Variants in DPYD observed in about 807,000 individuals in gnomAD.
DPYD encodes the protein dihydropyrimidine dehydrogenase.
Under a neutral mutation model 116.2 loss-of-function variants are expected in DPYD, and 109 were observed. That is an observed-to-expected ratio of 0.94 (90% CI 0.80 to 1.10). DPYD has a LOEUF of 1.10. Among genes scored for constraint, DPYD ranks in the 50% least tolerant of loss-of-function variants. The pLI, the probability that DPYD is intolerant of heterozygous loss-of-function variation, is 0.00. For synonymous variants in DPYD, 440 were observed against 432.0 expected, an observed-to-expected ratio of 1.02 and a Z score of -0.23; for missense variants, 1,302 against 1,254.5, an observed-to-expected ratio of 1.04 and a Z score of -0.57.
chr1:97,721,684 T>C lies in DPYD; in HGVS notation c.322-13A>G, dbSNP rs1662934774. 6.2e-7 allele frequency: 1 copy of C among 1,609,590 alleles called. No individual in the cohort carries two copies. On this transcript the variant is annotated splice_polypyrimidine_tract_variant and intron_variant, in intron 4 of 22. Coordinates refer to ENST00000370192, the MANE Select transcript of DPYD (RefSeq NM_000110.4). Reference sequence around the variant, plus strand: ...CTCCATAATAGTTCTGCAAAATTAATACAAAATAAAATTTTACTACTTAAA... The same window carrying C: ...CTCCATAATAGTTCTGCAAAATTAACACAAAATAAAATTTTACTACTTAAA...
At chr1:97,527,252 T>C (rs949451124) in intron 12 of DPYD, among the ~76,000 whole-genome samples, 7 of 152,022 alleles carry the variant, frequency 4.6e-5, no homozygotes, top group Non-Finnish European at 7.4e-5. Context: ...CTAATTTTTG[T>C]ATTTTTTGTA....
At chr1:97,919,927 G>T (rs972659857) in intron 1 of DPYD, among the ~76,000 whole-genome samples, 1 of 152,144 alleles carries the variant, frequency 6.6e-6, no homozygotes, top group Non-Finnish European at 1.5e-5. Flanking sequence ...TTTGCAAACA[G>T]GTGGTTTGCA....
intron 11 of DPYD, among the ~76,000 whole-genome samples, chr1:97,563,001 G>A (rs897864534): frequency 4.6e-5 from 7 of 152,114 alleles, no homozygotes; most frequent in Non-Finnish European, 1.0e-4. Context: ...TTACAGGCGT[G>A]AGCCACCATG....
At chr1:97,912,833 C>T (rs139952454) in intron 1 of DPYD, among the ~76,000 whole-genome samples, 117 of 152,110 alleles carry the variant, frequency 7.7e-4, no homozygotes, top group Middle Eastern at 3.4e-3. Context: ...AATTTTTACC[C>T]CAGCACTCCT....
intron 2 of DPYD, among the ~76,000 whole-genome samples, chr1:97,873,041 T>A (rs1671735829): frequency 6.6e-6 from 1 of 151,822 alleles, no homozygotes; most frequent in Non-Finnish European, 1.5e-5. Context: ...AACCTTGAAT[T>A]CTGAGACCAG....
At chr1:97,782,819 T>C (rs1413844539) in intron 3 of DPYD, among the ~76,000 whole-genome samples, 1 of 152,204 alleles carries the variant, frequency 6.6e-6, no homozygotes, top group Non-Finnish European at 1.5e-5. Context: ...GTCAAACTCC[T>C]TTGTTACTTT....
chr1:97,495,360 G>A (rs1485639379), intron 13 of DPYD, among the ~76,000 whole-genome samples: 1 of 152,124 alleles, frequency 6.6e-6, no homozygotes, highest in Non-Finnish European at 1.5e-5. Context: ...GTTTCAGGCA[G>A]TGTCCTTTCT....
At chr1:97,603,053 T>G (rs1425224970) in intron 8 of DPYD, among the ~76,000 whole-genome samples, 2 of 152,002 alleles carry the variant, frequency 1.3e-5, no homozygotes, top group Non-Finnish European at 2.9e-5. Flanking sequence ...CTCCCTTCTA[T>G]TTTCTCTGTT....
intron 20 of DPYD, among the ~76,000 whole-genome samples, chr1:97,177,606 C>T (rs1224554992): frequency 2.2e-5 from 3 of 138,818 alleles, no homozygotes; most frequent in Non-Finnish European, 4.7e-5. Flanking sequence ...ATATATATAT[C>T]CTAACTTTTT....
intron 14 of DPYD, among the ~76,000 whole-genome samples, chr1:97,402,449 C>A (rs1284907932): frequency 1.3e-5 from 2 of 152,112 alleles, no homozygotes; most frequent in Admixed American, 1.3e-4. Flanking sequence ...AATCAAATGA[C>A]TTTTGTATAT....
At chr1:97,215,145 A>G (rs954691458) in intron 19 of DPYD, among the ~76,000 whole-genome samples, 1 of 152,186 alleles carries the variant, frequency 6.6e-6, no homozygotes, top group African/African-American at 2.4e-5. Flanking sequence ...TATGGTTGTG[A>G]ATCCTCACAA....
At chr1:97,525,758 T>TAGAGAGAGAGAGAGAGAGAGAG (rs58098297) in intron 12 of DPYD, among the ~76,000 whole-genome samples, 108 of 108,702 alleles carry the variant, frequency 9.9e-4, no homozygotes, top group East Asian at 3.5e-3. Flanking sequence ...CCTGGGTAAT[T>TAGAGAGAGAGAGAGAGAGAGAG]AGAGAGAGAG....
At chr1:97,115,635 G>A (rs1166598591) in intron 20 of DPYD, among the ~76,000 whole-genome samples, 1 of 152,082 alleles carries the variant, frequency 6.6e-6, no homozygotes, top group African/African-American at 2.4e-5. Flanking sequence ...GTTCTTAAAA[G>A]TATTGTCTTA....
chr1:97,485,014 G>T (rs184516003), intron 13 of DPYD, among the ~76,000 whole-genome samples: 1 of 151,868 alleles, frequency 6.6e-6, no homozygotes, highest in Non-Finnish European at 1.5e-5. Flanking sequence ...CTTTGTCTCC[G>T]ATTTTCTGTT....
At chr1:97,864,661 G>A (rs916124215) in intron 2 of DPYD, among the ~76,000 whole-genome samples, 1 of 151,868 alleles carries the variant, frequency 6.6e-6, no homozygotes, top group Non-Finnish European at 1.5e-5. Context: ...ATGGCGACTC[G>A]AGAAGCTGTT....
At chr1:97,382,995 A>G (rs1672064947) in intron 14 of DPYD, among the ~76,000 whole-genome samples, 1 of 152,186 alleles carries the variant, frequency 6.6e-6, no homozygotes, top group African/African-American at 2.4e-5. Context: ...TGTATTGATT[A>G]TTTAACTACA....
At chr1:97,434,212 A>C (rs1675335132) in intron 14 of DPYD, among the ~76,000 whole-genome samples, 1 of 152,086 alleles carries the variant, frequency 6.6e-6, no homozygotes, top group Admixed American at 6.6e-5. Context: ...TATTACAGAA[A>C]ATTTCCTTTT....
At chr1:97,883,415 G>A (rs1164394215) in intron 1 of DPYD, 41 bp from the exon 2 acceptor site, 1 of 1,321,818 alleles carries the variant, frequency 7.6e-7, no homozygotes, top group Non-Finnish European at 1.1e-6. Context: ...ATGGAAATAT[G>A]TTGGCATTTG....
At chr1:97,505,799 CACATAAA>C (rs1286658294) in intron 13 of DPYD, among the ~76,000 whole-genome samples, 1 of 151,836 alleles carries the variant, frequency 6.6e-6, no homozygotes. Context: ...GCTAATTTTT[CACATAAA>C]TAGAGGGTAA....
Sources: gnomAD v4.1 joint callset for allele counts (sites outside exome capture counted in the v4.1 genomes callset) on GRCh38, gnomAD v4.1.1 for gene constraint, MANE v1.5 for transcripts, NCBI Gene and HGNC (gene_info 2026-07-23, HGNC 2026-07-21) for gene names.